Variants in EPHB1 observed in about 807,000 individuals in gnomAD.
The protein encoded by EPHB1 is EPH receptor B1.
A neutral mutation model predicts 94.4 loss-of-function variants in EPHB1; 30 were observed. The ratio of observed to expected loss-of-function variants is 0.32; its 90% CI spans 0.24 to 0.43. The LOEUF (loss-of-function observed/expected upper bound fraction) is 0.43, where lower values mean the gene tolerates loss of function less well. EPHB1 is among the 20% of genes least tolerant of loss of function. The pLI, the probability that EPHB1 is intolerant of heterozygous loss-of-function variation, is 1.00. For synonymous variants in EPHB1, 522 were observed against 489.1 expected (o/e 1.07, Z -0.89); for missense variants, 1,055 against 1,308.3 (o/e 0.81, Z 2.99).
At position 135,162,025 on chromosome 3, in the gene EPHB1, A is replaced by G; in HGVS notation, c.1430A>G (p.Asn477Ser). 1.2e-6 allele frequency: 2 copies of G among 1,608,990 alleles called. No individual in the cohort carries two copies. The highest frequency in any genetic ancestry group is 1.7e-6 in the Non-Finnish European group (2 of 1,177,694). The stretch of plus-strand genomic sequence containing the variant: ...TCCCTTGCTTTCTTTTAGGAACACA[A>G]TGAGTTCAACTCCTCCATGGCCAGG... ...YEIRYYEKEH[N>S]EFNSSMARSQ... Residue 477 changes from asparagine to serine, a missense_variant, in exon 7 of 16, where the codon AAT (asparagine) becomes AGT (serine). Asn to Ser is a conservative substitution (Grantham distance 46). Transcript: ENST00000398015.
chr3:134,812,988 A>G (rs1305849962), intron 1 of EPHB1, among the ~76,000 whole-genome samples: 4 of 152,162 alleles, frequency 2.6e-5, no homozygotes, highest in African/African-American at 9.7e-5. Flanking sequence ...GAGGTGACAG[A>G]GTGACCCCAC....
At chr3:135,027,160 A>G (rs1339685078) in intron 3 of EPHB1, among the ~76,000 whole-genome samples, 2 of 151,042 alleles carry the variant, frequency 1.3e-5, no homozygotes, top group Non-Finnish European at 3.0e-5. Context: ...TCATCTGCAA[A>G]CAGGGACAAT....
chr3:134,952,447 A>G (rs947292321), intron 3 of EPHB1, among the ~76,000 whole-genome samples: 11 of 151,832 alleles, frequency 7.2e-5, no homozygotes, highest in African/African-American at 2.4e-4. Flanking sequence ...GGGGCTGGAG[A>G]CTTTGGAATT....
At chr3:135,006,770 G>T (rs561845451) in intron 3 of EPHB1, among the ~76,000 whole-genome samples, 2 of 152,112 alleles carry the variant, frequency 1.3e-5, no homozygotes, top group African/African-American at 4.8e-5. Flanking sequence ...CAGAAATGGG[G>T]TTACAAAGTG....
intron 2 of EPHB1, among the ~76,000 whole-genome samples, chr3:134,944,970 TC>T (rs2039188433): frequency 6.6e-6 from 1 of 152,332 alleles, no homozygotes; most frequent in Admixed American, 6.5e-5. Context: ...CCAAAAAGTA[TC>T]ATAATGTGGC....
At chr3:135,068,862 A>G (rs1354427261) in intron 3 of EPHB1, among the ~76,000 whole-genome samples, 1 of 151,240 alleles carries the variant, frequency 6.6e-6, no homozygotes, top group Admixed American at 6.6e-5. Flanking sequence ...GTTAGCCAGG[A>G]TGGTCTCAAT....
chr3:135,110,855 G>A (rs1270042342), intron 4 of EPHB1, among the ~76,000 whole-genome samples: 2 of 152,044 alleles, frequency 1.3e-5, no homozygotes, highest in Non-Finnish European at 2.9e-5. Context: ...TCCCAGGCAC[G>A]ACAGGGCAGT....
intron 13 of EPHB1, among the ~76,000 whole-genome samples, chr3:135,241,793 G>A (rs1354853251): frequency 6.6e-6 from 1 of 152,184 alleles, no homozygotes; most frequent in Non-Finnish European, 1.5e-5. Context: ...TTTAAAGAGA[G>A]TAATTGGAAA....
At chr3:134,855,175 G>T (rs2037085115) in intron 1 of EPHB1, among the ~76,000 whole-genome samples, 1 of 152,102 alleles carries the variant, frequency 6.6e-6, no homozygotes, top group Non-Finnish European at 1.5e-5. Flanking sequence ...CATAATCCTT[G>T]TAAGCTACCT....
At chr3:134,979,257 G>A (rs1934314085) in intron 3 of EPHB1, among the ~76,000 whole-genome samples, 1 of 152,074 alleles carries the variant, frequency 6.6e-6, no homozygotes, top group Non-Finnish European at 1.5e-5. Flanking sequence ...GGAAGCTATT[G>A]TATAATTCTT....
chr3:135,129,283 A>G (rs768870812), intron 4 of EPHB1, among the ~76,000 whole-genome samples: 1 of 152,098 alleles, frequency 6.6e-6, no homozygotes, highest in Non-Finnish European at 1.5e-5. Flanking sequence ...AGCAGCATCG[A>G]CAAGGGTGGG....
chr3:135,189,994 G>T (rs917541098), intron 10 of EPHB1, among the ~76,000 whole-genome samples: 4 of 152,146 alleles, frequency 2.6e-5, no homozygotes, highest in East Asian at 3.8e-4. Context: ...GGGCATGATG[G>T]TCCCTGAACT....
intron 2 of EPHB1, among the ~76,000 whole-genome samples, chr3:134,950,433 A>G (rs1464369115): frequency 6.6e-6 from 1 of 152,248 alleles, no homozygotes; most frequent in Non-Finnish European, 1.5e-5. Flanking sequence ...CCACTCTTGC[A>G]TTGCTATAAA....
At chr3:134,812,737 C>A (rs913615796) in intron 1 of EPHB1, among the ~76,000 whole-genome samples, 6 of 152,166 alleles carry the variant, frequency 3.9e-5, no homozygotes, top group African/African-American at 1.4e-4. Flanking sequence ...GTGTATGAGA[C>A]CCCCAGTTGT....
At chr3:135,185,703 G>A (rs1314673984) in intron 10 of EPHB1, among the ~76,000 whole-genome samples, 1 of 152,182 alleles carries the variant, frequency 6.6e-6, no homozygotes, top group African/African-American at 2.4e-5. Flanking sequence ...TCACATGAAT[G>A]TAACCCTAGG....
In EPHB1 at chr3:135,259,326, C is replaced by A. The variant is rs539811248; in HGVS notation, c.*206C>A. 14 of 411,292 alleles carry A rather than the reference C, an allele frequency of 3.4e-5. No homozygotes were observed. The East Asian group carries it at 5.0e-4, about 15-fold the overall frequency. The allele number at this position is 411,292 out of a possible 1,614,324, so 25.5% of individuals were successfully genotyped here. The stretch of plus-strand genomic sequence containing the variant: ...GCATGTTTGAGATGCCGTGGGAAAC[C>A]AAATATATAATAATAAAAATATAAA... On this transcript the variant is annotated 3_prime_UTR_variant, in exon 16 of 16. Transcript: ENST00000398015.
intron 4 of EPHB1, among the ~76,000 whole-genome samples, chr3:135,125,601 T>C (rs892565991): frequency 6.6e-6 from 1 of 152,244 alleles, no homozygotes; most frequent in Non-Finnish European, 1.5e-5. Flanking sequence ...AAAGGTTTGG[T>C]GTTGTTTTCT....
chr3:134,876,046 A>G (rs559538488), intron 1 of EPHB1, among the ~76,000 whole-genome samples: 2 of 152,282 alleles, frequency 1.3e-5, no homozygotes, highest in Admixed American at 1.3e-4. Context: ...GGAGCTTGTA[A>G]TGAGAAGATG....
intron 3 of EPHB1, among the ~76,000 whole-genome samples, chr3:135,098,723 A>G (rs1351171881): frequency 6.6e-6 from 1 of 152,100 alleles, no homozygotes; most frequent in Non-Finnish European, 1.5e-5. Context: ...ATAAGAATCC[A>G]CACTTTGACC....
Sources: gnomAD v4.1 joint callset for allele counts (sites outside exome capture counted in the v4.1 genomes callset) on GRCh38, gnomAD v4.1.1 for gene constraint, MANE v1.5 for transcripts, NCBI Gene and HGNC (gene_info 2026-07-23, HGNC 2026-07-21) for gene names.